The following THADA variants were observed in gnomAD, a reference collection of about 807,000 sequenced individuals.
The protein encoded by THADA is tRNA (32-2'-O)-methyltransferase regulator THADA.
THADA carries 213 observed loss-of-function variants against 219.8 expected under a neutral mutation model. The observed-to-expected ratio is 0.97, with a 90% CI of 0.87 to 1.09. The LOEUF is 1.09. Among genes scored for constraint, THADA ranks in the 50% least tolerant of loss-of-function variants. The pLI, the probability that THADA is intolerant of heterozygous loss-of-function variation, is 0.00. For synonymous variants in THADA, 1,018 were observed against 828.9 expected (o/e 1.23, Z -3.92); for missense variants, 2,956 against 2,311.3 (o/e 1.28, Z -5.72).
rs543322835 is a variant in THADA, at chr2:43,362,229, G to A, written c.4228-17992C>T. 3.9e-5 allele frequency among the ~76,000 whole-genome samples: 6 copies of A among 152,218 alleles called. No individual in the cohort carries two copies. The East Asian group carries it at 7.7e-4, about 20-fold the overall frequency. On this transcript the variant is annotated intron_variant, in intron 29 of 37. Coordinates refer to ENST00000405975, the MANE Select transcript of THADA (RefSeq NM_022065.5). ...TATTAGTCTCACAAAATAGATATCT[G>A]GATGTTCACATAATGAAGCATGATG...
chr2:43,557,988 T>C (rs1176536086), intron 16 of THADA, among the ~76,000 whole-genome samples: 1 of 152,238 alleles, frequency 6.6e-6, no homozygotes, highest in Non-Finnish European at 1.5e-5. Context: ...CAAGTTTAAA[T>C]AAGTATTAGA....
chr2:43,296,880 C>T (rs1300666440), intron 31 of THADA, among the ~76,000 whole-genome samples: 2 of 151,512 alleles, frequency 1.3e-5, no homozygotes, highest in African/African-American at 2.4e-5. Context: ...CGGACGGGCC[C>T]CGCGGGGCCC....
chr2:43,379,198 G>A (rs1025681491), intron 29 of THADA, among the ~76,000 whole-genome samples: 1 of 152,116 alleles, frequency 6.6e-6, no homozygotes, highest in Non-Finnish European at 1.5e-5. Flanking sequence ...ATCTTCTGGA[G>A]AGGAGAAAAT....
intron 36 of THADA, among the ~76,000 whole-genome samples, chr2:43,239,588 A>C (rs1390338572): frequency 6.6e-6 from 1 of 152,276 alleles, no homozygotes; most frequent in African/African-American, 2.4e-5. Context: ...AAACTATTTC[A>C]GACCACGGAT....
At chr2:43,322,877 G>A (rs1280369301) in intron 30 of THADA, among the ~76,000 whole-genome samples, 1 of 151,494 alleles carries the variant, frequency 6.6e-6, no homozygotes, top group Non-Finnish European at 1.5e-5. Context: ...TATTAGAGAC[G>A]GGGTTTCACC....
At chr2:43,346,013 T>C (rs542519398) in intron 29 of THADA, among the ~76,000 whole-genome samples, 32 of 152,212 alleles carry the variant, frequency 2.1e-4, no homozygotes, top group African/African-American at 6.7e-4. Flanking sequence ...AACCAGACAA[T>C]TGTGACCCTG....
intron 29 of THADA, among the ~76,000 whole-genome samples, chr2:43,354,291 A>G (rs1320679521): frequency 2.0e-5 from 3 of 152,042 alleles, no homozygotes; most frequent in African/African-American, 7.3e-5. Context: ...GTAGCTGTAT[A>G]TATTTATAGG....
Position 43,556,652 on chromosome 2 carries a change from A to G in THADA, c.2464-97T>C, listed in dbSNP as rs1697388353. The G allele has an allele frequency of 1.6e-5, 18 of 1,148,044 alleles. No individual in the cohort carries two copies. In the South Asian group the frequency reaches 2.6e-4, roughly 17 times the overall value. The allele number at this position is 1,148,044 out of a possible 1,614,324, so 71.1% of individuals were successfully genotyped here. On this transcript the variant is annotated intron_variant, in intron 16 of 37. Transcript: ENST00000405975. ...TAAAACACAGCCTGGAGCTGAGTAC[A>G]GTGGGCTCGAGCCTAGAGTCCCAGC...
intron 7 of THADA, among the ~76,000 whole-genome samples, chr2:43,584,203 A>T (rs1484117978): frequency 2.6e-5 from 4 of 152,130 alleles, no homozygotes; most frequent in Non-Finnish European, 5.9e-5. Context: ...TTAAAAAAAT[A>T]AATTTTCCTT....
At chr2:43,475,500 T>G (rs1215020008) in intron 26 of THADA, among the ~76,000 whole-genome samples, 3 of 150,192 alleles carry the variant, frequency 2.0e-5, no homozygotes, top group African/African-American at 7.4e-5. Context: ...AGAAAATCAA[T>G]GTGATAATAT....
chr2:43,475,268 T>C (rs1027121579), intron 26 of THADA, among the ~76,000 whole-genome samples: 11 of 151,676 alleles, frequency 7.3e-5, no homozygotes, highest in Non-Finnish European at 2.9e-5. Context: ...ATACAAAAAT[T>C]AGCCAGGCAT....
chr2:43,448,409 C>A (rs944877814), intron 26 of THADA, among the ~76,000 whole-genome samples: 4 of 152,146 alleles, frequency 2.6e-5, no homozygotes, highest in African/African-American at 9.6e-5. Context: ...GGGATCTGTG[C>A]TTTGATCAAT....
chr2:43,578,089 C>T (rs6759383), intron 9 of THADA, among the ~76,000 whole-genome samples: 25,193 of 151,304 alleles, frequency 0.17, 2,676 homozygotes, highest in African/African-American at 0.3. Flanking sequence ...AGAAAAAGGT[C>T]ATCAGAAGGA....
intron 26 of THADA, among the ~76,000 whole-genome samples, chr2:43,440,217 C>A (rs1359576676): frequency 2.0e-5 from 3 of 151,944 alleles, no homozygotes; most frequent in Non-Finnish European, 2.9e-5. Flanking sequence ...CTTTTCTGCA[C>A]CTTGAGTTTT....
intron 26 of THADA, among the ~76,000 whole-genome samples, chr2:43,432,390 G>A (rs2104829059): frequency 6.6e-6 from 1 of 151,060 alleles, no homozygotes; most frequent in East Asian, 1.9e-4. Context: ...TTTCTGTTGA[G>A]TAGTATTCCA....
intron 10 of THADA, among the ~76,000 whole-genome samples, chr2:43,576,299 T>A (rs1699849816): frequency 6.6e-6 from 1 of 152,214 alleles, no homozygotes; most frequent in Admixed American, 6.5e-5. Flanking sequence ...TGTTTCGACA[T>A]TTCATATACA....
intron 31 of THADA, among the ~76,000 whole-genome samples, chr2:43,304,650 C>T (rs970183154): frequency 2.0e-5 from 3 of 150,778 alleles, no homozygotes; most frequent in Admixed American, 6.6e-5. Context: ...AAGTAGGAGA[C>T]GAAAAAATAC....
At chr2:43,245,180 T>C (rs1418025426) in intron 36 of THADA, among the ~76,000 whole-genome samples, 1 of 137,102 alleles carries the variant, frequency 7.3e-6, no homozygotes, top group East Asian at 2.0e-4. Context: ...TTCTTTTTTT[T>C]TTTTTTTTTT....
At chr2:43,398,772 A>G (rs1674414367) in intron 28 of THADA, among the ~76,000 whole-genome samples, 1 of 152,232 alleles carries the variant, frequency 6.6e-6, no homozygotes, top group South Asian at 2.1e-4. Context: ...GCAGAGGTTC[A>G]TGAATAACAG....
Sources: allele counts gnomAD v4.1 joint callset (sites outside exome capture counted in the v4.1 genomes callset), GRCh38; gene constraint gnomAD v4.1.1; transcripts MANE v1.5; gene names NCBI Gene and HGNC (gene_info 2026-07-23, HGNC 2026-07-21).